The following BMPR1B variants were observed in gnomAD, a reference collection of about 807,000 sequenced individuals.
BMPR1B encodes bone morphogenetic protein receptor type 1B.
BMPR1B carries 12 observed loss-of-function variants against 59.1 expected under a neutral mutation model. The ratio of observed to expected loss-of-function variants is 0.20; its 90% CI spans 0.13 to 0.33. BMPR1B has a LOEUF of 0.33. Among genes scored for constraint, BMPR1B ranks in the 10% least tolerant of loss-of-function variants. BMPR1B has a pLI of 1.00. For missense variants in BMPR1B, 550 were observed against 610.9 expected (o/e 0.90, Z 1.05); for synonymous variants, 237 against 207.3 (o/e 1.14, Z -1.23).
At chr4:95,126,352 A>G (rs528755716) in intron 8 of BMPR1B, among the ~76,000 whole-genome samples, 2 of 152,310 alleles carry the variant, frequency 1.3e-5, no homozygotes, top group Non-Finnish European at 2.9e-5. Flanking sequence ...TCTTGTTTCT[A>G]TAATCCAGAT....
chr4:94,877,580 A>G (rs1445172405), intron 2 of BMPR1B, among the ~76,000 whole-genome samples: 3 of 152,242 alleles, frequency 2.0e-5, no homozygotes. Flanking sequence ...TTTTAGGATT[A>G]ATTTAGATTA....
chr4:94,931,623 C>A (rs1729094006), intron 2 of BMPR1B, among the ~76,000 whole-genome samples: 2 of 151,900 alleles, frequency 1.3e-5, no homozygotes, highest in African/African-American at 4.8e-5. Context: ...TTTTCTTTTC[C>A]TTTTTTAGGA....
chr4:94,899,922 A>T (rs1727740828), intron 2 of BMPR1B, among the ~76,000 whole-genome samples: 1 of 151,996 alleles, frequency 6.6e-6, no homozygotes, highest in Non-Finnish European at 1.5e-5. Flanking sequence ...TATATTTCTG[A>T]CAATCTATAC....
intron 1 of BMPR1B, among the ~76,000 whole-genome samples, chr4:94,775,158 C>T (rs977144537): frequency 6.6e-6 from 1 of 152,114 alleles, no homozygotes; most frequent in African/African-American, 2.4e-5. Flanking sequence ...AATACCAGTT[C>T]AGTAAGGATC....
At chr4:95,134,630 AT>A (rs1402475089) in intron 10 of BMPR1B, among the ~76,000 whole-genome samples, 1 of 152,048 alleles carries the variant, frequency 6.6e-6, no homozygotes, top group African/African-American at 2.4e-5. Context: ...GATGATGAGC[AT>A]TTTTTCATGT....
At chr4:94,937,624 A>C (rs939367480) in intron 2 of BMPR1B, among the ~76,000 whole-genome samples, 1 of 152,196 alleles carries the variant, frequency 6.6e-6, no homozygotes, top group African/African-American at 2.4e-5. Flanking sequence ...GCAAGACTTA[A>C]ATACATGAAA....
chr4:95,006,922 T>A (rs1722884370), intron 3 of BMPR1B, among the ~76,000 whole-genome samples: 1 of 152,168 alleles, frequency 6.6e-6, no homozygotes, highest in Non-Finnish European at 1.5e-5. Context: ...CTCCTATACA[T>A]GTCTAAAAGT....
chr4:95,098,395 T>C (rs1730580213), intron 3 of BMPR1B, among the ~76,000 whole-genome samples: 1 of 152,182 alleles, frequency 6.6e-6, no homozygotes, highest in Non-Finnish European at 1.5e-5. Context: ...GGCTGGATTT[T>C]GTACAACTTC....
At chr4:94,880,061 ATTATT>A (rs1726898950) in intron 2 of BMPR1B, among the ~76,000 whole-genome samples, 2 of 151,288 alleles carry the variant, frequency 1.3e-5, no homozygotes, top group South Asian at 4.1e-4. Flanking sequence ...ACAAATTATT[ATTATT>A]TTATTCATAA....
At chr4:94,981,138 T>C (rs1721054649) in intron 2 of BMPR1B, among the ~76,000 whole-genome samples, 1 of 152,210 alleles carries the variant, frequency 6.6e-6, no homozygotes, top group African/African-American at 2.4e-5. Flanking sequence ...GGTAGTGTAA[T>C]ACTTATATAT....
intron 2 of BMPR1B, among the ~76,000 whole-genome samples, chr4:94,923,086 A>G (rs1294469920): frequency 6.6e-6 from 1 of 152,184 alleles, no homozygotes; most frequent in East Asian, 1.9e-4. Context: ...TGCTGTAAAC[A>G]TGCAACATAC....
intron 1 of BMPR1B, among the ~76,000 whole-genome samples, chr4:94,817,701 G>A (rs1724061278): frequency 6.6e-6 from 1 of 152,106 alleles, no homozygotes; most frequent in South Asian, 2.1e-4. Context: ...ATTACTGTGA[G>A]GGTGAGAGAT....
chr4:94,938,095 CAGAA>C (rs1017639522), intron 2 of BMPR1B, among the ~76,000 whole-genome samples: 6 of 152,094 alleles, frequency 3.9e-5, no homozygotes, highest in Admixed American at 3.3e-4. Context: ...GTACATGAGA[CAGAA>C]AGAAAATTTA....
intron 2 of BMPR1B, among the ~76,000 whole-genome samples, chr4:94,931,906 T>C (rs3775026): frequency 0.23 from 35,247 of 150,958 alleles, 4,212 homozygotes; most frequent in South Asian, 0.32. Flanking sequence ...GGTGGGGGAG[T>C]GTGAGGTGGA....
intron 1 of BMPR1B, among the ~76,000 whole-genome samples, chr4:94,808,997 A>G (rs779472043): frequency 6.6e-6 from 1 of 152,088 alleles, no homozygotes; most frequent in African/African-American, 2.4e-5. Flanking sequence ...GGAGGTTGCA[A>G]TGAGCCAAGA....
chr4:94,809,025 A>T (rs1168658894), intron 1 of BMPR1B, among the ~76,000 whole-genome samples: 14 of 152,228 alleles, frequency 9.2e-5, no homozygotes, highest in Admixed American at 9.2e-4. Context: ...ACTGCACTCC[A>T]GCCTGGGCGA....
At chr4:95,036,180 G>A (rs774510933) in intron 3 of BMPR1B, among the ~76,000 whole-genome samples, 10 of 152,126 alleles carry the variant, frequency 6.6e-5, no homozygotes, top group South Asian at 2.1e-4. Context: ...TGTAATAATC[G>A]TATCAGGGCA....
intron 1 of BMPR1B, among the ~76,000 whole-genome samples, chr4:94,784,303 T>C (rs948945634): frequency 2.6e-5 from 4 of 152,086 alleles, no homozygotes; most frequent in Non-Finnish European, 4.4e-5. Context: ...GTTGGGAGTG[T>C]AAGTAATTTT....
At chr4:94,814,423 G>A (rs1723934177) in intron 1 of BMPR1B, among the ~76,000 whole-genome samples, 1 of 152,136 alleles carries the variant, frequency 6.6e-6, no homozygotes, top group South Asian at 2.1e-4. Context: ...ATAAGTTTCT[G>A]ACAGGCTCAT....
Sources: allele counts gnomAD v4.1 joint callset (sites outside exome capture counted in the v4.1 genomes callset), GRCh38; gene constraint gnomAD v4.1.1; transcripts MANE v1.5; gene names NCBI Gene and HGNC (gene_info 2026-07-23, HGNC 2026-07-21).